The following CPLANE1 variants were observed in gnomAD, a reference collection of about 807,000 sequenced individuals.
The protein encoded by CPLANE1 is ciliogenesis and planar polarity effector complex subunit 1.
A neutral mutation model predicts 362.5 loss-of-function variants in CPLANE1; 263 were observed. The observed-to-expected ratio is 0.73, with a 90% CI of 0.66 to 0.80. The LOEUF (loss-of-function observed/expected upper bound fraction) is 0.80, where lower values mean the gene tolerates loss of function less well. Ranked by LOEUF, CPLANE1 falls within the 30% of genes least tolerant of loss-of-function variation. The pLI is 0.00. For synonymous variants in CPLANE1, 1,212 were observed against 1,302.6 expected (o/e 0.93, Z 1.50); for missense variants, 3,461 against 3,793.4 (o/e 0.91, Z 2.30).
intron 6 of CPLANE1, among the ~76,000 whole-genome samples, chr5:37,241,143 A>T (rs1800340277): frequency 1.3e-5 from 2 of 151,988 alleles, no homozygotes; most frequent in Admixed American, 1.3e-4. Flanking sequence ...CTCAAAAAAA[A>T]AATAAAATAA....
At position 37,182,839 on chromosome 5, in the gene CPLANE1, G is replaced by A; in HGVS notation, c.5342C>T (p.Thr1781Ile). 1 of 1,613,558 alleles carries A rather than the reference G, an allele frequency of 6.2e-7. No individual in the cohort carries two copies. Among genetic ancestry groups the A allele is most frequent in the Admixed American group, 1.7e-5 (1 of 59,886 alleles). The change falls in exon 26 of 53, where the codon ACA becomes ATA. Residue 1781 changes from threonine (T) to isoleucine (I), a missense_variant. By Grantham distance (89) the Thr-to-Ile change is moderately conservative. This residue lies in a region of CPLANE1 where 3,380 missense variants were observed against 3,666.1 expected (regional missense o/e 0.92). Coordinates refer to ENST00000651892, the MANE Select transcript of CPLANE1 (RefSeq NM_001384732.1). ...YSPVIRVKTS[T>I]AAILTSLWLL... ...CCATAATGATGTAAGAATGGCAGCT[G>A]TAGAGGTCTTTACACGAATTACTGG...
chr5:37,120,858 C>T (rs896843655), intron 49 of CPLANE1, among the ~76,000 whole-genome samples: 3 of 152,216 alleles, frequency 2.0e-5, no homozygotes, highest in African/African-American at 2.4e-5. Flanking sequence ...CTCTACACTA[C>T]ACACACAGAT....
Position 37,119,723 on chromosome 5 carries a change from C to T in CPLANE1, c.9310+493G>A, listed in dbSNP as rs565739721. 4.7e-5 allele frequency among the ~76,000 whole-genome samples: 7 copies of T among 150,504 alleles called. No homozygotes were observed. In the East Asian group the frequency reaches 9.9e-4, roughly 21 times the overall value. ...ATTCAAGGCCGGGCGTGGTGGCTCA[C>T]GCCTGTAATCCCAGCACTTTGGGAG... On this transcript the variant is annotated intron_variant, in intron 50 of 52. Transcript: ENST00000651892.
chr5:37,120,133 C>G, intron 50 of CPLANE1, 83 bp downstream of exon 50: 1 of 1,366,214 alleles, frequency 7.3e-7, no homozygotes, highest in Non-Finnish European at 1.0e-6. Context: ...AGACTTATAC[C>G]TTTTACTAAT....
At chr5:37,210,037 C>T (rs1360575272) in intron 16 of CPLANE1, 16 of 805,148 alleles carry the variant, frequency 2.0e-5, no homozygotes, top group Admixed American at 1.1e-4. Flanking sequence ...TTTAAAGATA[C>T]CGAAATAGGA....
intron 6 of CPLANE1, among the ~76,000 whole-genome samples, chr5:37,242,246 C>T (rs973465562): frequency 2.0e-5 from 3 of 151,342 alleles, no homozygotes; most frequent in African/African-American, 4.9e-5. Flanking sequence ...CCCAGCTACT[C>T]GGGAGGCTGA....
chr5:37,209,287 C>T lies in CPLANE1; in HGVS notation c.2921-2862G>A, dbSNP rs10061667. 8,257 of 743,396 alleles carry T rather than the reference C, an allele frequency of 0.011. 478 individuals are homozygous for T. The African/African-American group carries it at 0.13, about 11-fold the overall frequency. The allele number at this position is 743,396 out of a possible 1,614,324, so 46.0% of individuals were successfully genotyped here. On this transcript the variant is annotated intron_variant, in intron 16 of 52. Transcript: ENST00000651892. The surrounding 1 kb of genome is among the most constrained non-coding windows in gnomAD (Gnocchi z 4.6). ...GGCAGGGATTCCCCCTCGTCTTGGC[C>T]CTACAGCCCCAGCTGGGCACTAAAC...
chr5:37,239,702 T>A lies in CPLANE1; in HGVS notation c.834+11A>T. On this transcript the variant is annotated intron_variant, in intron 7 of 52. Transcript: ENST00000651892. ...TTTATAGATTACTTTCTAAGACAGA[T>A]ATTTACTGACCTTGGGGTCTTTCTG... The A allele has an allele frequency of 2.1e-6, 3 of 1,453,158 alleles. No homozygotes were observed. The highest frequency in any genetic ancestry group is 2.7e-6 in the Non-Finnish European group (3 of 1,094,520). The allele number at this position is 1,453,158 out of a possible 1,614,324, so 90.0% of individuals were successfully genotyped here.
chr5:37,237,849 C>CA (rs905375106), intron 8 of CPLANE1, among the ~76,000 whole-genome samples: 45 of 140,648 alleles, frequency 3.2e-4, no homozygotes, highest in South Asian at 9.1e-4. Flanking sequence ...GACTCCATCT[C>CA]AAAAAAAAAA....
chr5:37,205,392 T>C lies in CPLANE1; in HGVS notation c.3212A>G (p.Lys1071Arg). The change falls in exon 18 of 53, where the codon AAA becomes AGA. Residue 1071 changes from lysine to arginine, a missense_variant. Physicochemically the swap from Lys to Arg is conservative, Grantham distance 26 (BLOSUM62 2). Coordinates refer to ENST00000651892, the MANE Select transcript of CPLANE1 (RefSeq NM_001384732.1). The stretch of plus-strand genomic sequence containing the variant: ...TGGTTGACCTAAAACACACTGCAGT[T>C]TTTCCTGAAAAATCTGTGCTGGAGT... ...RMTPAQIFQE[K>R]LQCVLGQPAS... is the part of the protein sequence containing the mutation. The C allele has an allele frequency of 6.4e-7, 1 of 1,550,924 alleles. No homozygotes were observed. The highest frequency in any genetic ancestry group is 1.2e-5 in the South Asian group (1 of 83,948).
At chr5:37,159,432 G>T (rs1014223783) in intron 38 of CPLANE1, among the ~76,000 whole-genome samples, 1 of 152,148 alleles carries the variant, frequency 6.6e-6, no homozygotes, top group Non-Finnish European at 1.5e-5. Flanking sequence ...CTTTAAAAGG[G>T]TATCATTCAG....
rs1383700248 is a variant in CPLANE1 at position 37,170,078 on chromosome 5, G to C, written c.6425C>G (p.Thr2142Ser). The C allele has an allele frequency of 6.2e-7, 1 of 1,614,156 alleles. No homozygotes were observed. Among genetic ancestry groups the C allele is most frequent in the Non-Finnish European group, 8.5e-7 (1 of 1,180,024 alleles). The change falls in exon 33 of 53, where the codon ACT (threonine) becomes AGT (serine). Residue 2142 changes from threonine to serine, a missense_variant. By Grantham distance (58) the Thr-to-Ser change is moderately conservative. Around this residue, in one of 2 missense-constraint regions of CPLANE1, gnomAD observed 3,380 missense variants for 3,666.1 expected, o/e 0.92. Transcript: ENST00000651892. ...AGTACTATTTTGACCAGATGGGATAGTTCCTTCATGGCAGTGTGGGCTGTT... is the reference window on the plus strand; with the variant it reads ...AGTACTATTTTGACCAGATGGGATACTTCCTTCATGGCAGTGTGGGCTGTT... ...RKNSPHCHEG[T>S]IPSGQNSTGN...
At chr5:37,210,682 T>C in intron 16 of CPLANE1, 2 of 1,559,104 alleles carry the variant, frequency 1.3e-6, no homozygotes, top group Non-Finnish European at 1.8e-6. Flanking sequence ...TATTCACTAC[T>C]AAAAGAAGAG....
rs745671752 is a variant in CPLANE1, at chr5:37,180,121, A to C, written c.5633T>G (p.Ile1878Ser). 3.9e-6 allele frequency: 6 copies of C among 1,553,722 alleles called. No homozygotes were observed. Among genetic ancestry groups the C allele is most frequent in the African/African-American group, 1.4e-5 (1 of 72,248 alleles). The change falls in exon 28 of 53, where the codon ATC becomes AGC. Residue 1878 changes from isoleucine to serine, a missense_variant. Physicochemically the swap from Ile to Ser is moderately radical, Grantham distance 142 (BLOSUM62 -2). This residue lies in a region of CPLANE1 where 3,380 missense variants were observed against 3,666.1 expected (regional missense o/e 0.92). Transcript: ENST00000651892. ...AAATTCTTTTTTAGTATTATGAGTGATGGAAATAATATCATCATTGATTTC... is the reference window on the plus strand; with the variant it reads ...AAATTCTTTTTTAGTATTATGAGTGCTGGAAATAATATCATCATTGATTTC... ...IKEINDDIIS[I>S]THNTKKEFID...
intron 43 of CPLANE1, among the ~76,000 whole-genome samples, chr5:37,144,290 T>C (rs1036970751): frequency 6.7e-6 from 1 of 149,626 alleles, no homozygotes; most frequent in African/African-American, 2.5e-5. Flanking sequence ...GTGCCTGTAG[T>C]CCCAGCTACT....
chr5:37,168,689 T>A (rs1054347432), intron 34 of CPLANE1, 102 bp downstream of exon 34: 2 of 980,106 alleles, frequency 2.0e-6, no homozygotes, highest in Non-Finnish European at 3.0e-6. Flanking sequence ...ATAACAAGCA[T>A]TTTTTTATGT....
intron 50 of CPLANE1, among the ~76,000 whole-genome samples, chr5:37,119,282 T>C (rs966816967): frequency 6.6e-6 from 1 of 152,174 alleles, no homozygotes; most frequent in Non-Finnish European, 1.5e-5. Flanking sequence ...ACTTGATTTG[T>C]TCAAATGCCT....
chr5:37,190,356 C>T (rs530798365), intron 21 of CPLANE1, among the ~76,000 whole-genome samples: 1 of 151,266 alleles, frequency 6.6e-6, no homozygotes, highest in East Asian at 2.0e-4. Context: ...CTGCTTGAGC[C>T]CAGGAGTTCG....
chr5:37,221,510 C>G, intron 14 of CPLANE1, 22 bp from the exon 15 acceptor site: 1 of 1,454,610 alleles, frequency 6.9e-7, no homozygotes, highest in East Asian at 2.7e-5. Context: ...AGTAAGCTCA[C>G]CTTAAAAGTA....
Sources: gnomAD v4.1 joint callset for allele counts (sites outside exome capture counted in the v4.1 genomes callset) on GRCh38, gnomAD v4.1.1 for gene constraint, gnomAD v4.1.1 regional missense constraint, Gnocchi (gnomAD v3.1) non-coding constraint, MANE v1.5 for transcripts, NCBI Gene and HGNC (gene_info 2026-07-23, HGNC 2026-07-21) for gene names.